The following CYTH3 variants were observed in gnomAD, a reference collection of about 807,000 sequenced individuals.
CYTH3 encodes cytohesin 3, also known as cytohesin-3.
CYTH3 carries 23 observed loss-of-function variants against 55.1 expected under a neutral mutation model. The ratio of observed to expected loss-of-function variants is 0.42; its 90% confidence interval spans 0.30 to 0.59. The LOEUF (loss-of-function observed/expected upper bound fraction) is 0.59. CYTH3 is among the 20% of genes least tolerant of loss of function. CYTH3 has a pLI of 0.20. For synonymous variants in CYTH3, 249 were observed against 194.9 expected (o/e 1.28, Z -2.31); for missense variants, 413 against 524.8 (o/e 0.79, Z 2.08).
At chr7:6,245,156 C>A (rs979325209) in intron 1 of CYTH3, among the ~76,000 whole-genome samples, 13 of 151,172 alleles carry the variant, frequency 8.6e-5, no homozygotes, top group Admixed American at 5.3e-4. Context: ...AAAATTGCTA[C>A]GTGAAGAGAT....
chr7:6,189,980 G>T (rs1433829540), intron 2 of CYTH3, among the ~76,000 whole-genome samples: 2 of 152,098 alleles, frequency 1.3e-5, no homozygotes, highest in African/African-American at 4.8e-5. Flanking sequence ...AGGATGCAGT[G>T]AGCCCAGATT....
chr7:6,242,008 C>T (rs971613638), intron 1 of CYTH3, among the ~76,000 whole-genome samples: 3 of 152,148 alleles, frequency 2.0e-5, no homozygotes, highest in Non-Finnish European at 4.4e-5. Flanking sequence ...CTCATTCATG[C>T]TTGCATATAC....
At chr7:6,265,439 G>A (rs1032995398) in intron 1 of CYTH3, among the ~76,000 whole-genome samples, 1 of 151,120 alleles carries the variant, frequency 6.6e-6, no homozygotes, top group African/African-American at 2.4e-5. Context: ...GGTGAAACCC[G>A]TATCTATTAA....
chr7:6,187,485 G>A (rs1196556454), intron 3 of CYTH3, among the ~76,000 whole-genome samples, 172 bp downstream of exon 3: 1 of 152,104 alleles, frequency 6.6e-6, no homozygotes, highest in African/African-American at 2.4e-5. Flanking sequence ...TAACATCCAG[G>A]GAAACACCCC....
chr7:6,211,954 C>G (rs1784327844), intron 1 of CYTH3, among the ~76,000 whole-genome samples: 1 of 151,984 alleles, frequency 6.6e-6, no homozygotes, highest in South Asian at 2.1e-4. Flanking sequence ...CCACTGCACT[C>G]CAGCCTGGGC....
Position 6,170,759 on chromosome 7 carries a change from C to A in CYTH3, c.711+71G>T. On this transcript the variant is annotated intron_variant, in intron 8 of 12. Coordinates refer to ENST00000350796, the MANE Select transcript of CYTH3 (RefSeq NM_004227.4). This position sits in a 1 kb window ranked among gnomAD's most constrained non-coding sequence, Gnocchi z 7.8. ...GGAGGCTTGGGAGGCGTGTCTAGAGCCGCGGGCGCTGCGGCCGCTCACAGC... is the reference window on the plus strand; with the variant it reads ...GGAGGCTTGGGAGGCGTGTCTAGAGACGCGGGCGCTGCGGCCGCTCACAGC... The A allele has an allele frequency of 6.4e-7, 1 of 1,569,212 alleles. No homozygotes were observed. The highest frequency in any genetic ancestry group is 1.2e-5 in the South Asian group (1 of 85,906).
intron 1 of CYTH3, among the ~76,000 whole-genome samples, chr7:6,247,425 T>TC (rs1779849057): frequency 6.6e-6 from 1 of 152,184 alleles, no homozygotes; most frequent in Non-Finnish European, 1.5e-5. Flanking sequence ...ACAGCTCGTT[T>TC]TTTTTCAGCT....
At chr7:6,189,691 G>A (rs1158103493) in intron 2 of CYTH3, among the ~76,000 whole-genome samples, 1 of 152,002 alleles carries the variant, frequency 6.6e-6, no homozygotes, top group East Asian at 1.9e-4. Context: ...TTCACTCAAA[G>A]GGCATCTGAG....
intron 1 of CYTH3, among the ~76,000 whole-genome samples, chr7:6,259,794 T>TATATATATA (rs1780276436): frequency 3.3e-4 from 6 of 18,058 alleles, no homozygotes; most frequent in Admixed American, 1.9e-3. Context: ...AATATATATA[T>TATATATATA]ATATATATAT....
intron 1 of CYTH3, among the ~76,000 whole-genome samples, chr7:6,196,547 C>G (rs1489795704): frequency 6.7e-6 from 1 of 149,962 alleles, no homozygotes; most frequent in Non-Finnish European, 1.5e-5. Context: ...GCAACCTTCA[C>G]CTCCCACATT....
chr7:6,161,889 T>C lies in CYTH3; in HGVS notation c.*3055A>G, dbSNP rs1583716714. On this transcript the variant is annotated 3_prime_UTR_variant, in exon 13 of 13. Coordinates refer to ENST00000350796, the MANE Select transcript of CYTH3 (RefSeq NM_004227.4). ...TTTACAACCAAGTATCAATAGAGGC[T>C]GTTCCTTCATGCGAGCTGTGGGAGT... 6.5e-6 allele frequency: 1 copy of C among 152,754 alleles called. No individual in the cohort carries two copies. The highest frequency in any genetic ancestry group is 2.4e-5 in the African/African-American group (1 of 41,568). 9.5% of individuals were successfully genotyped at this position (152,754 alleles called of 1,614,324 possible).
chr7:6,219,120 G>A (rs1365823315), intron 1 of CYTH3, among the ~76,000 whole-genome samples: 1 of 152,012 alleles, frequency 6.6e-6, no homozygotes, highest in Non-Finnish European at 1.5e-5. Context: ...CACACCGTTG[G>A]TAGAAAAATG....
At chr7:6,259,772 T>TAATATATATATATAA (rs1491219669) in intron 1 of CYTH3, among the ~76,000 whole-genome samples, 8 of 30,502 alleles carry the variant, frequency 2.6e-4, no homozygotes, top group Non-Finnish European at 3.6e-4. Flanking sequence ...TATATATATA[T>TAATATATATATATAA]TATATATATA....
intron 1 of CYTH3, among the ~76,000 whole-genome samples, chr7:6,263,691 A>G (rs577795273): frequency 3.4e-4 from 51 of 152,112 alleles, no homozygotes; most frequent in African/African-American, 1.2e-3. Flanking sequence ...CCAGCCACTC[A>G]AGTGGTTAAG....
chr7:6,223,212 C>T (rs1383660199), intron 1 of CYTH3, among the ~76,000 whole-genome samples: 1 of 151,836 alleles, frequency 6.6e-6, no homozygotes, highest in Non-Finnish European at 1.5e-5. Flanking sequence ...AGGTGAGGAG[C>T]GCCTCGGCCC....
chr7:6,234,677 C>G (rs924801821), intron 1 of CYTH3, among the ~76,000 whole-genome samples: 2 of 152,100 alleles, frequency 1.3e-5, no homozygotes, highest in African/African-American at 2.4e-5. Flanking sequence ...ACTGGGTGCA[C>G]GAGTGCAAAC....
At chr7:6,190,659 A>T in intron 1 of CYTH3, 128 bp from the exon 2 acceptor site, 1 of 683,470 alleles carries the variant, frequency 1.5e-6, no homozygotes, top group Non-Finnish European at 2.3e-6. Flanking sequence ...AAATGCTCCC[A>T]TTGAGACTGT....
At chr7:6,236,087 T>C (rs752118499) in intron 1 of CYTH3, among the ~76,000 whole-genome samples, 6 of 152,188 alleles carry the variant, frequency 3.9e-5, no homozygotes, top group Non-Finnish European at 8.8e-5. Flanking sequence ...ACTTAACTAC[T>C]CTAGGATTAC....
At chr7:6,257,644 T>A (rs1780162014) in intron 1 of CYTH3, among the ~76,000 whole-genome samples, 1 of 152,258 alleles carries the variant, frequency 6.6e-6, no homozygotes, top group Non-Finnish European at 1.5e-5. Flanking sequence ...TTTATATGGT[T>A]AATGAATATT....
Sources: gnomAD v4.1 joint callset for allele counts (sites outside exome capture counted in the v4.1 genomes callset) on GRCh38, gnomAD v4.1.1 for gene constraint, Gnocchi (gnomAD v3.1) non-coding constraint, MANE v1.5 for transcripts, NCBI Gene and HGNC (gene_info 2026-07-23, HGNC 2026-07-21) for gene names.